ARHGEF3: variants seen among roughly 807,000 people sequenced by gnomAD.
ARHGEF3 encodes 59.8 kDA protein.
A neutral mutation model predicts 63.2 loss-of-function variants in ARHGEF3; 28 were observed. The observed-to-expected ratio is 0.44, with a 90% CI of 0.33 to 0.61. ARHGEF3 has a LOEUF of 0.61. Ranked by LOEUF, ARHGEF3 falls within the 20% of genes least tolerant of loss-of-function variation. The pLI, the probability that ARHGEF3 is intolerant of heterozygous loss-of-function variation, is 0.03. For synonymous variants in ARHGEF3, 266 were observed against 254.2 expected (o/e 1.05, Z -0.44); for missense variants, 533 against 659.3 (o/e 0.81, Z 2.10).
In ARHGEF3 at chr3:56,937,547, C is replaced by T. The variant is rs995775888; in HGVS notation, c.129+21276G>A. Reference sequence around the variant, plus strand: ...TTCATAATAAAAAGTTGAAAAATAGCGCACAATAAATAAGAATCATGGAAA... The same window carrying T: ...TTCATAATAAAAAGTTGAAAAATAGTGCACAATAAATAAGAATCATGGAAA... On this transcript the variant is annotated intron_variant, in intron 3 of 12. Transcript: ENST00000338458. 1.3e-4 allele frequency among the ~76,000 whole-genome samples: 20 copies of T among 152,174 alleles called. No homozygotes were observed. The South Asian group carries it at 1.7e-3, about 13-fold the overall frequency.
intron 6 of ARHGEF3, among the ~76,000 whole-genome samples, chr3:56,746,222 T>A (rs538998572): frequency 5.3e-5 from 8 of 152,230 alleles, no homozygotes; most frequent in Admixed American, 1.3e-4. Context: ...TTCTTTCTCT[T>A]GTACTAGGAA....
At chr3:56,802,054 C>T (rs1246587414), upstream of ARHGEF3, 6 of 1,321,924 alleles carry the variant, frequency 4.5e-6, no homozygotes, top group East Asian at 3.2e-5. Flanking sequence ...GGAGGGCCCA[C>T]GTGCCGCAGC....
chr3:56,972,574 G>T (rs1264106007), intron 2 of ARHGEF3, among the ~76,000 whole-genome samples: 1 of 151,896 alleles, frequency 6.6e-6, no homozygotes, highest in Non-Finnish European at 1.5e-5. Flanking sequence ...ATTTAGTATG[G>T]AGTGCCCAGG....
intron 3 of ARHGEF3, among the ~76,000 whole-genome samples, chr3:56,914,714 G>C (rs892237111): frequency 1.3e-5 from 2 of 152,104 alleles, no homozygotes; most frequent in Non-Finnish European, 2.9e-5. Context: ...GAACCCAGAG[G>C]ACATTATGCA....
At chr3:57,042,665 TATATATATATATA>T (rs1704240145) in intron 1 of ARHGEF3, among the ~76,000 whole-genome samples, 1 of 6,696 alleles carries the variant, frequency 1.5e-4, no homozygotes, top group African/African-American at 6.1e-4. Flanking sequence ...TATATATATA[TATATATATATATA>T]TATATATATA....
chr3:57,006,849 C>T (rs1404288550), intron 2 of ARHGEF3, among the ~76,000 whole-genome samples: 1 of 152,192 alleles, frequency 6.6e-6, no homozygotes, highest in African/African-American at 2.4e-5. Context: ...AGGAGTCTCC[C>T]TCCTGACATT....
At chr3:57,032,678 T>C (rs778657078) in intron 2 of ARHGEF3, among the ~76,000 whole-genome samples, 81 of 152,282 alleles carry the variant, frequency 5.3e-4, no homozygotes, top group Non-Finnish European at 8.2e-4. Context: ...GAGGCTGACA[T>C]AGTAAATTCT....
At chr3:56,967,896 TAA>T (rs1700647966) in intron 2 of ARHGEF3, among the ~76,000 whole-genome samples, 1 of 74,030 alleles carries the variant, frequency 1.4e-5, no homozygotes, top group African/African-American at 5.6e-5. Flanking sequence ...ATATAATATA[TAA>T]ATAATATATT....
intron 4 of ARHGEF3, among the ~76,000 whole-genome samples, chr3:56,848,007 G>T (rs1481984772): frequency 3.0e-4 from 45 of 152,284 alleles, no homozygotes; most frequent in Admixed American, 2.9e-3. Flanking sequence ...ACACAGAGAT[G>T]GAGACATCAC....
intron 2 of ARHGEF3, among the ~76,000 whole-genome samples, chr3:56,770,612 C>T (rs1003159142): frequency 3.9e-5 from 6 of 152,088 alleles, no homozygotes. Flanking sequence ...CTGGCATTCT[C>T]CATGCTTTGC....
At chr3:56,841,124 G>T (rs1280384264) in intron 4 of ARHGEF3, among the ~76,000 whole-genome samples, 1 of 152,134 alleles carries the variant, frequency 6.6e-6, no homozygotes, top group Non-Finnish European at 1.5e-5. Flanking sequence ...TACTGATCAA[G>T]TTCAGGTCAA....
intron 3 of ARHGEF3, among the ~76,000 whole-genome samples, chr3:56,910,561 C>A (rs1187182376): frequency 6.6e-6 from 1 of 152,120 alleles, no homozygotes; most frequent in African/African-American, 2.4e-5. Context: ...CATTTCCAAC[C>A]TGTGATTTCA....
At chr3:56,854,437 A>G (rs1422226049) in intron 4 of ARHGEF3, among the ~76,000 whole-genome samples, 2 of 152,142 alleles carry the variant, frequency 1.3e-5, no homozygotes, top group Non-Finnish European at 1.5e-5. Flanking sequence ...GGAAACAGGG[A>G]GAAGCAGCAA....
intron 4 of ARHGEF3, among the ~76,000 whole-genome samples, chr3:56,828,980 G>T (rs1231293181): frequency 2.6e-5 from 4 of 152,028 alleles, no homozygotes; most frequent in Admixed American, 2.6e-4. Context: ...AGGCTGGAGG[G>T]CAGTGGCGCA....
intron 6 of ARHGEF3, among the ~76,000 whole-genome samples, chr3:56,749,695 A>G (rs886764953): frequency 6.6e-6 from 1 of 152,242 alleles, no homozygotes; most frequent in East Asian, 1.9e-4. Context: ...AGTCAAAAAT[A>G]TAAGATGAAT....
At chr3:57,029,972 A>C (rs552648735) in intron 2 of ARHGEF3, among the ~76,000 whole-genome samples, 1 of 152,200 alleles carries the variant, frequency 6.6e-6, no homozygotes, top group African/African-American at 2.4e-5. Flanking sequence ...TGACCAAAAC[A>C]GCCCTGGCCT....
At chr3:56,981,993 G>A (rs1701344896) in intron 2 of ARHGEF3, among the ~76,000 whole-genome samples, 2 of 152,194 alleles carry the variant, frequency 1.3e-5, no homozygotes, top group South Asian at 2.1e-4. Context: ...CAGTGGGAGT[G>A]GCCCCAAGAC....
At chr3:56,896,026 C>T (rs767478455) in intron 3 of ARHGEF3, among the ~76,000 whole-genome samples, 8 of 152,222 alleles carry the variant, frequency 5.3e-5, no homozygotes, top group Admixed American at 6.5e-5. Context: ...GGCGGCAGCA[C>T]GAATGGCCTG....
At chr3:56,944,420 G>A (rs1699358696) in intron 3 of ARHGEF3, among the ~76,000 whole-genome samples, 1 of 152,120 alleles carries the variant, frequency 6.6e-6, no homozygotes, top group African/African-American at 2.4e-5. Flanking sequence ...AGACTTCCGT[G>A]TTGGAAGTCA....
Sources: allele counts gnomAD v4.1 joint callset (sites outside exome capture counted in the v4.1 genomes callset), GRCh38; gene constraint gnomAD v4.1.1; transcripts MANE v1.5; gene names NCBI Gene and HGNC (gene_info 2026-07-23, HGNC 2026-07-21).